CNST: variants seen among roughly 807,000 people sequenced by gnomAD.
CNST encodes the protein consortin.
In CNST, 39 loss-of-function variants were observed where a neutral mutation model predicts 72.4. The ratio of observed to expected loss-of-function variants is 0.54; its 90% CI spans 0.42 to 0.70. The LOEUF (loss-of-function observed/expected upper bound fraction) is 0.70, where lower values mean the gene tolerates loss of function less well. Ranked by LOEUF, CNST falls within the 30% of genes least tolerant of loss-of-function variation. CNST has a pLI of 0.00. For synonymous variants in CNST, 332 were observed against 320.1 expected, an observed-to-expected ratio of 1.04 and a Z score of -0.40; for missense variants, 871 against 868.5, an observed-to-expected ratio of 1.00 and a Z score of -0.04.
Position 246,647,490 on chromosome 1 carries a change from A to AG in CNST, c.1290dup (p.Thr431AspfsTer10). ...AAGGTGTTTCTTTCCAGCAAGTCAA[A>AG]GACAGAGCCGTTGATTTCACCAGGC... On this transcript the variant is annotated frameshift_variant, in exon 9 of 11. Coordinates refer to ENST00000366513, the MANE Select transcript of CNST (RefSeq NM_152609.3). LOFTEE classifies it high-confidence loss of function. 6.2e-7 allele frequency: 1 copy of AG among 1,614,218 alleles called. No individual in the cohort carries two copies. Among genetic ancestry groups the AG allele is most frequent in the Non-Finnish European group, 8.5e-7 (1 of 1,180,046 alleles).
intron 8 of CNST, among the ~76,000 whole-genome samples, chr1:246,645,431 T>TA (rs59723324): frequency 0.034 from 4,795 of 142,494 alleles, 128 homozygotes; most frequent in Non-Finnish European, 0.046. Flanking sequence ...AAACTTTTTT[T>TA]TTTTTTTTTT....
At chr1:246,597,995 ATTT>A (rs1304380531) in intron 2 of CNST, among the ~76,000 whole-genome samples, 3 of 151,886 alleles carry the variant, frequency 2.0e-5, no homozygotes, top group Non-Finnish European at 4.4e-5. Context: ...TTATTTATTT[ATTT>A]AAGACAGGAT....
intron 1 of CNST, among the ~76,000 whole-genome samples, chr1:246,570,289 A>G (rs1008569475): frequency 6.6e-6 from 1 of 152,208 alleles, no homozygotes; most frequent in African/African-American, 2.4e-5. Flanking sequence ...GAGCTGCTGT[A>G]ACAAAGGTAA....
intron 1 of CNST, among the ~76,000 whole-genome samples, chr1:246,581,288 G>A (rs917599351): frequency 6.6e-6 from 1 of 151,396 alleles, no homozygotes; most frequent in Non-Finnish European, 1.5e-5. Flanking sequence ...TTTTTGAGAC[G>A]GAGTTTTGCT....
intron 1 of CNST, among the ~76,000 whole-genome samples, chr1:246,589,865 G>A (rs1337083124): frequency 3.9e-5 from 6 of 152,210 alleles, no homozygotes; most frequent in African/African-American, 1.4e-4. Flanking sequence ...CTGATGGCCA[G>A]TGATGATGAG....
intron 2 of CNST, among the ~76,000 whole-genome samples, chr1:246,595,667 A>G (rs1265988671): frequency 6.6e-6 from 1 of 152,138 alleles, no homozygotes; most frequent in Non-Finnish European, 1.5e-5. Context: ...AAAAAACATG[A>G]TATTCAGTTG....
chr1:246,624,841 A>T (rs1348712111), intron 3 of CNST, among the ~76,000 whole-genome samples: 1 of 152,148 alleles, frequency 6.6e-6, no homozygotes, highest in Non-Finnish European at 1.5e-5. Context: ...TTTAGTAGAG[A>T]TGGGGTTTCA....
rs145512105 is a variant in CNST at position 246,667,751 on chromosome 1, C to T, written c.*1846C>T. On this transcript the variant is annotated 3_prime_UTR_variant, in exon 11 of 11. Transcript: ENST00000366513. ...CTGTGATGGACATCCTCATCATAGACAAACCTCCTCTGTTTTATCCTCAAT... is the reference window on the plus strand; with the variant it reads ...CTGTGATGGACATCCTCATCATAGATAAACCTCCTCTGTTTTATCCTCAAT... 82 of 152,260 alleles carry T rather than the reference C, an allele frequency of 5.4e-4. 2 individuals are homozygous for T. In the East Asian group the frequency reaches 0.014, roughly 26 times the overall value. The allele number at this position is 152,260 out of a possible 1,614,324, so 9.4% of individuals were successfully genotyped here. A position where few individuals can be genotyped will look rare whatever the true frequency, so the allele number is the denominator to read the frequency against.
At chr1:246,604,209 G>A (rs922738297) in intron 2 of CNST, among the ~76,000 whole-genome samples, 8 of 151,850 alleles carry the variant, frequency 5.3e-5, no homozygotes, top group African/African-American at 9.7e-5. Context: ...AGCCGATATC[G>A]CGCCATTGCA....
At chr1:246,652,125 A>G (rs1197843932) in intron 9 of CNST, among the ~76,000 whole-genome samples, 1 of 152,228 alleles carries the variant, frequency 6.6e-6, no homozygotes, top group African/African-American at 2.4e-5. Flanking sequence ...TGATGATTTT[A>G]GTGTCAGAAC....
chr1:246,651,833 ATTT>A (rs2103144400), intron 9 of CNST, among the ~76,000 whole-genome samples: 1 of 152,290 alleles, frequency 6.6e-6, no homozygotes, highest in African/African-American at 2.4e-5. Flanking sequence ...CCTTTCATAG[ATTT>A]TTAAGAAAAA....
At chr1:246,656,484 A>G (rs981601111) in intron 9 of CNST, among the ~76,000 whole-genome samples, 1 of 152,184 alleles carries the variant, frequency 6.6e-6, no homozygotes, top group Admixed American at 6.5e-5. Flanking sequence ...TAGCTCAGAC[A>G]TTCTTTTTGG....
At chr1:246,592,922 A>T (rs1052416644) in intron 2 of CNST, among the ~76,000 whole-genome samples, 1 of 151,926 alleles carries the variant, frequency 6.6e-6, no homozygotes, top group African/African-American at 2.4e-5. Context: ...GCCTCTGGTT[A>T]TTTTTTTTAT....
chr1:246,657,343 C>G (rs961235969), intron 9 of CNST, among the ~76,000 whole-genome samples: 18 of 151,962 alleles, frequency 1.2e-4, no homozygotes, highest in Admixed American at 6.6e-5. Flanking sequence ...AAGACAGTTA[C>G]AACAGAAAGA....
At chr1:246,632,410 T>C in intron 4 of CNST, 1 of 209,690 alleles carries the variant, frequency 4.8e-6, no homozygotes. Context: ...AGTCTTGCCT[T>C]CCCCTTGGAT....
intron 1 of CNST, among the ~76,000 whole-genome samples, chr1:246,579,920 A>G (rs546164467): frequency 1.3e-5 from 2 of 152,326 alleles, no homozygotes; most frequent in African/African-American, 4.8e-5. Context: ...TACAGCAAAG[A>G]AACAAAGGCT....
At chr1:246,594,030 C>G (rs1661718914) in intron 2 of CNST, among the ~76,000 whole-genome samples, 1 of 152,194 alleles carries the variant, frequency 6.6e-6, no homozygotes. Context: ...CTAGGCCTCC[C>G]AAAGTGTTGG....
At chr1:246,570,674 G>T (rs7550610) in intron 1 of CNST, among the ~76,000 whole-genome samples, 48,662 of 151,894 alleles carry the variant, frequency 0.32, 8,263 homozygotes, top group Admixed American at 0.39. Flanking sequence ...ATGTGTGGAT[G>T]TTCTATAAGA....
At chr1:246,646,427 T>C (rs534114217) in intron 8 of CNST, among the ~76,000 whole-genome samples, 240 of 152,344 alleles carry the variant, frequency 1.6e-3, no homozygotes, top group African/African-American at 5.4e-3. Context: ...AAATGATGAA[T>C]GTGTTACTGA....
Sources: allele counts gnomAD v4.1 joint callset (sites outside exome capture counted in the v4.1 genomes callset), GRCh38; gene constraint gnomAD v4.1.1; transcripts MANE v1.5; gene names NCBI Gene and HGNC (gene_info 2026-07-23, HGNC 2026-07-21).